SYT1: variants seen among roughly 807,000 people sequenced by gnomAD.
SYT1 encodes the protein synaptotagmin 1.
In SYT1, 8 loss-of-function variants were observed where a neutral mutation model predicts 44.8. The ratio of observed to expected loss-of-function variants is 0.18; its 90% CI spans 0.10 to 0.32. The LOEUF (loss-of-function observed/expected upper bound fraction) is 0.32. Ranked by LOEUF, SYT1 falls within the 10% of genes least tolerant of loss-of-function variation. The pLI is 1.00. For synonymous variants in SYT1, 154 were observed against 188.8 expected, an observed-to-expected ratio of 0.82 and a Z score of 1.51; for missense variants, 286 against 509.3, an observed-to-expected ratio of 0.56 and a Z score of 4.22.
chr12:79,293,296 C>G (rs1170632063), intron 6 of SYT1, among the ~76,000 whole-genome samples: 1 of 149,984 alleles, frequency 6.7e-6, no homozygotes, highest in East Asian at 2.0e-4. Context: ...TGCACTCCAG[C>G]CTGGGCGACA....
At chr12:79,193,559 TA>T (rs1206500662) in intron 3 of SYT1, among the ~76,000 whole-genome samples, 1 of 152,142 alleles carries the variant, frequency 6.6e-6, no homozygotes, top group Non-Finnish European at 1.5e-5. Context: ...TTTCATTTTT[TA>T]CTATTATTAA....
chr12:79,199,522 T>C (rs1428273106), intron 3 of SYT1, among the ~76,000 whole-genome samples: 4 of 152,088 alleles, frequency 2.6e-5, no homozygotes, highest in African/African-American at 4.8e-5. Context: ...ATTCTCACCA[T>C]AGAAATGCCC....
At chr12:78,966,266 A>G (rs542794373) in intron 1 of SYT1, among the ~76,000 whole-genome samples, 2 of 151,884 alleles carry the variant, frequency 1.3e-5, no homozygotes, top group East Asian at 3.9e-4. Flanking sequence ...TATTTTTTGT[A>G]TTATTTATTT....
intron 3 of SYT1, among the ~76,000 whole-genome samples, chr12:79,180,487 T>TAA (rs1235860983): frequency 1.0e-4 from 2 of 19,890 alleles, no homozygotes; most frequent in African/African-American, 4.4e-4. Flanking sequence ...TTTTTTTTTT[T>TAA]TAAAAAAAGG....
chr12:79,393,738 C>G (rs992389553), intron 9 of SYT1: 1 of 152,018 alleles, frequency 6.6e-6, no homozygotes, highest in African/African-American at 2.4e-5. Context: ...AGAATTTTCT[C>G]CCATTCGGTA....
At chr12:79,407,673 G>A (rs1885290123) in intron 9 of SYT1, among the ~76,000 whole-genome samples, 1 of 152,058 alleles carries the variant, frequency 6.6e-6, no homozygotes, top group Non-Finnish European at 1.5e-5. Context: ...ACAGCACAGA[G>A]TCTGTGACTC....
At chr12:79,401,658 C>A (rs535689166) in intron 9 of SYT1, among the ~76,000 whole-genome samples, 1 of 149,920 alleles carries the variant, frequency 6.7e-6, no homozygotes, top group Non-Finnish European at 1.5e-5. Context: ...TAAAACTCAA[C>A]AAAACTCAAA....
intron 1 of SYT1, among the ~76,000 whole-genome samples, chr12:78,965,943 G>T (rs1190700021): frequency 4.6e-5 from 7 of 151,938 alleles, no homozygotes; most frequent in Non-Finnish European, 1.0e-4. Flanking sequence ...CGGGCACGGT[G>T]GCAGGCGCCT....
intron 1 of SYT1, among the ~76,000 whole-genome samples, chr12:78,876,904 T>TTATATTACATATATTATATAATACA (rs1565697992): frequency 8.9e-6 from 1 of 112,962 alleles, no homozygotes; most frequent in African/African-American, 3.3e-5. Context: ...ATATTATATA[T>TTATATTACATATATTATATAATACA]TATATGTATT....
At chr12:79,399,529 T>C (rs1461640092) in intron 9 of SYT1, among the ~76,000 whole-genome samples, 1 of 152,212 alleles carries the variant, frequency 6.6e-6, no homozygotes, top group Non-Finnish European at 1.5e-5. Flanking sequence ...CTATGTTAAC[T>C]ACGTTTATCC....
At chr12:79,190,748 C>T (rs1425831869) in intron 3 of SYT1, among the ~76,000 whole-genome samples, 1 of 152,000 alleles carries the variant, frequency 6.6e-6, no homozygotes, top group Non-Finnish European at 1.5e-5. Flanking sequence ...AGTTAAAAAG[C>T]TTTTCATTAG....
intron 4 of SYT1, among the ~76,000 whole-genome samples, chr12:79,242,433 C>T (rs956185290): frequency 1.3e-5 from 2 of 152,104 alleles, no homozygotes; most frequent in African/African-American, 2.4e-5. Context: ...AGTGAGAGGC[C>T]CCTCCCCTGT....
chr12:78,984,711 A>G (rs985891780), intron 2 of SYT1, among the ~76,000 whole-genome samples: 1 of 152,024 alleles, frequency 6.6e-6, no homozygotes, highest in African/African-American at 2.4e-5. Flanking sequence ...TATCAAATAT[A>G]CAGAAAATTA....
At chr12:79,333,863 T>C (rs1251501223) in intron 8 of SYT1, among the ~76,000 whole-genome samples, 1 of 152,204 alleles carries the variant, frequency 6.6e-6, no homozygotes, top group Admixed American at 6.5e-5. Flanking sequence ...ATGTTGTTTA[T>C]GTATCATTTT....
chr12:78,889,728 A>G (rs1874944451), intron 1 of SYT1, among the ~76,000 whole-genome samples: 1 of 151,996 alleles, frequency 6.6e-6, no homozygotes, highest in African/African-American at 2.4e-5. Flanking sequence ...TAAAATGTTG[A>G]CTAATACAAT....
At chr12:78,934,158 GTACACACACACACA>G (rs1353260614) in intron 1 of SYT1, among the ~76,000 whole-genome samples, 4 of 148,630 alleles carry the variant, frequency 2.7e-5, no homozygotes, top group African/African-American at 1.0e-4. Context: ...ATGTGCGTGT[GTACACACACACACA>G]TACACACACA....
chr12:79,100,334 G>A (rs558774280), intron 3 of SYT1, among the ~76,000 whole-genome samples: 22 of 152,212 alleles, frequency 1.4e-4, no homozygotes, highest in African/African-American at 4.3e-4. Flanking sequence ...CCCAAACCTC[G>A]TCTTAACCAC....
rs142604485 is a variant in SYT1, at chr12:78,938,315, T to C, written c.-216-39484T>C. The stretch of plus-strand genomic sequence containing the variant: ...GATCATGCCAGTATTCAGTAAGCCA[T>C]GTCTGACAACTCACCCTTTCCTCTG... On this transcript the variant is annotated intron_variant, in intron 1 of 10. Transcript: ENST00000261205. Among the ~76,000 whole-genome samples, 327 of 152,272 alleles carry C rather than the reference T, an allele frequency of 2.1e-3. 2 individuals carry two copies. The highest frequency in any genetic ancestry group is 0.015 in the Admixed American group (225 of 15,280).
intron 1 of SYT1, among the ~76,000 whole-genome samples, chr12:78,901,125 C>A (rs893682194): frequency 2.0e-5 from 3 of 150,496 alleles, no homozygotes; most frequent in Non-Finnish European, 2.9e-5. Context: ...GCTTCTCTAA[C>A]CAGAAAGAAT....
Sources: allele counts gnomAD v4.1 joint callset (sites outside exome capture counted in the v4.1 genomes callset), GRCh38; gene constraint gnomAD v4.1.1; transcripts MANE v1.5; gene names NCBI Gene and HGNC (gene_info 2026-07-23, HGNC 2026-07-21).